SMARCA2: variants seen among roughly 807,000 people sequenced by gnomAD.
SMARCA2 encodes the protein SWI/SNF-related matrix-associated actin-dependent regulator of chromatin subfamily A member 2.
SMARCA2 carries 61 observed loss-of-function variants against 199.8 expected under a neutral mutation model. The ratio of observed to expected loss-of-function variants is 0.31; its 90% CI spans 0.25 to 0.38. The LOEUF is 0.38. Among genes scored for constraint, SMARCA2 ranks in the 10% least tolerant of loss-of-function variants. The pLI is 1.00. For synonymous variants in SMARCA2, 935 were observed against 732.0 expected, an observed-to-expected ratio of 1.28 and a Z score of -4.48; for missense variants, 1,344 against 2,012.2, an observed-to-expected ratio of 0.67 and a Z score of 6.35.
rs775657208 is a variant in SMARCA2 at position 2,056,231 on chromosome 9, A to G, written c.1174-441A>G. Among the ~76,000 whole-genome samples the G allele has an allele frequency of 2.6e-5, 4 of 152,258 alleles. No individual in the cohort carries two copies. Among genetic ancestry groups the G allele is most frequent in the Admixed American group, 1.3e-4 (2 of 15,284 alleles). On this transcript the variant is annotated intron_variant, in intron 6 of 33. Transcript: ENST00000349721. The surrounding 1 kb of genome is among the most constrained non-coding windows in gnomAD (Gnocchi z 4.0). ...TTGTTTGAGTACCTGCTGCTACCAC[A>G]CGTGAAAGTAATTCTTTTATTCTTT...
intron 19 of SMARCA2, among the ~76,000 whole-genome samples, chr9:2,095,409 A>G (rs943327988): frequency 6.6e-6 from 1 of 152,228 alleles, no homozygotes; most frequent in Non-Finnish European, 1.5e-5. Flanking sequence ...TTCATAAAAA[A>G]AAAAGGAGAA....
intron 33 of SMARCA2, chr9:2,192,409 C>A: frequency 2.9e-6 from 1 of 340,150 alleles, no homozygotes; most frequent in Non-Finnish European, 5.3e-6. Context: ...TTTTCTAAAA[C>A]CTGGGGCTGA....
At chr9:2,165,162 C>T (rs1371373591) in intron 28 of SMARCA2, among the ~76,000 whole-genome samples, 2 of 152,158 alleles carry the variant, frequency 1.3e-5, no homozygotes, top group Non-Finnish European at 2.9e-5. Context: ...CTGTGCTAAC[C>T]TCCTTCCCAT....
rs934194196 is a variant in SMARCA2 at position 2,115,750 on chromosome 9, T to C, written c.3457-72T>C. On this transcript the variant is annotated intron_variant, in intron 24 of 33. Transcript: ENST00000349721. The surrounding 1 kb of genome is among the most constrained non-coding windows in gnomAD (Gnocchi z 6.0). ...TACAGAACCCTTCCATATTTCCCTC[T>C]GGGGTGGGGTCCGGTTTTGGATGCC... 1.3e-5 allele frequency: 16 copies of C among 1,203,350 alleles called. No individual in the cohort carries two copies. In the East Asian group the frequency reaches 3.2e-4, roughly 24 times the overall value. 74.5% of individuals were successfully genotyped at this position (1,203,350 alleles called of 1,614,324 possible). A position where few individuals can be genotyped will look rare whatever the true frequency, so the allele number is the denominator to read the frequency against.
intron 30 of SMARCA2, among the ~76,000 whole-genome samples, chr9:2,181,925 T>A (rs1001790109): frequency 2.6e-5 from 4 of 152,310 alleles, no homozygotes; most frequent in South Asian, 4.2e-4. Flanking sequence ...CTCTTCTCAT[T>A]TCCCATCATA....
intron 27 of SMARCA2, among the ~76,000 whole-genome samples, chr9:2,143,357 C>G (rs1301462175): frequency 1.3e-5 from 2 of 152,154 alleles, no homozygotes; most frequent in East Asian, 1.9e-4. Context: ...ACCAAAGAAT[C>G]TGGGCTTTAT....
rs1430915994 is a variant in SMARCA2 at position 2,086,507 on chromosome 9, G to C, written c.2527-322G>C. On this transcript the variant is annotated intron_variant, in intron 17 of 33. Coordinates refer to ENST00000349721, the MANE Select transcript of SMARCA2 (RefSeq NM_003070.5). The surrounding 1 kb of genome is among the most constrained non-coding windows in gnomAD (Gnocchi z 4.3). ...TGTCATGATAACGTATTAATAGAAG[G>C]GGCATTGGATGGGGAGAGGCAGGAT... Among the ~76,000 whole-genome samples, 1 of 152,086 alleles carries C rather than the reference G, an allele frequency of 6.6e-6. No individual in the cohort carries two copies. The highest frequency in any genetic ancestry group is 1.5e-5 in the Non-Finnish European group (1 of 68,022).
Position 2,169,171 on chromosome 9 carries a change from C to T in SMARCA2, c.4200-1248C>T, listed in dbSNP as rs537029319. 1.8e-4 allele frequency among the ~76,000 whole-genome samples: 27 copies of T among 152,162 alleles called. No homozygotes were observed. Among genetic ancestry groups the T allele is most frequent in the African/African-American group, 6.5e-4 (27 of 41,430 alleles). On this transcript the variant is annotated intron_variant, in intron 28 of 33. Coordinates refer to ENST00000349721, the MANE Select transcript of SMARCA2 (RefSeq NM_003070.5). The surrounding 1 kb of genome is among the most constrained non-coding windows in gnomAD (Gnocchi z 6.5). Reference sequence around the variant, plus strand: ...CCCTACAAGACACCCGTTCACCTGCCTCCTCACCCCCTGTCTTCCTGAGGC... The same window carrying T: ...CCCTACAAGACACCCGTTCACCTGCTTCCTCACCCCCTGTCTTCCTGAGGC...
At chr9:2,185,384 A>G (rs552824620) in intron 31 of SMARCA2, among the ~76,000 whole-genome samples, 39 of 152,304 alleles carry the variant, frequency 2.6e-4, no homozygotes, top group African/African-American at 8.7e-4. Flanking sequence ...CATTAAATGT[A>G]TAGACTATAG....
chr9:2,178,708 T>TTTTG lies in SMARCA2; in HGVS notation c.4254-2851_4254-2848dup, dbSNP rs143579944. ...AACTGTCAGGCTGCTTCACTTCCTT[T>TTTTG]TTTGTTTGTTTGTTTAATTTTTTTT... On this transcript the variant is annotated intron_variant, in intron 29 of 33. Transcript: ENST00000349721. 1.2e-3 allele frequency among the ~76,000 whole-genome samples: 190 copies of TTTTG among 152,130 alleles called. 1 individual carries two copies. Among genetic ancestry groups the TTTTG allele is most frequent in the African/African-American group, 4.3e-3 (180 of 41,442 alleles).
At chr9:2,130,291 A>G (rs1235277250) in intron 27 of SMARCA2, among the ~76,000 whole-genome samples, 1 of 152,156 alleles carries the variant, frequency 6.6e-6, no homozygotes, top group African/African-American at 2.4e-5. Context: ...CCTGTTCCCG[A>G]GTGATAGCAC....
chr9:2,073,072 A>G lies in SMARCA2; in HGVS notation c.1747-140A>G, dbSNP rs550035439. 2.8e-5 allele frequency: 27 copies of G among 953,006 alleles called. No homozygotes were observed. The African/African-American group carries it at 4.0e-4, about 14-fold the overall frequency. The allele number at this position is 953,006 out of a possible 1,614,324, so 59.0% of individuals were successfully genotyped here. The stretch of plus-strand genomic sequence containing the variant: ...GGAGGTAGCCTCTCACCTCCCACCA[A>G]CACTCATTAGGTAGTGAAATTTCCA... On this transcript the variant is annotated intron_variant, in intron 10 of 33. Coordinates refer to ENST00000349721, the MANE Select transcript of SMARCA2 (RefSeq NM_003070.5).
chr9:2,049,554 C>T (rs1286943525), intron 5 of SMARCA2, among the ~76,000 whole-genome samples: 5 of 152,096 alleles, frequency 3.3e-5, no homozygotes, highest in South Asian at 2.1e-4. Context: ...GCTTTTGAAA[C>T]GACTGATCTG....
chr9:2,166,100 G>T (rs902514091), intron 28 of SMARCA2, among the ~76,000 whole-genome samples: 9 of 152,204 alleles, frequency 5.9e-5, no homozygotes, highest in African/African-American at 1.9e-4. Flanking sequence ...GAATAAATCT[G>T]CTCTCATTCT....
In SMARCA2 at chr9:2,101,718, G is replaced by C; in HGVS notation, c.3125+102G>C. 4.9e-6 allele frequency: 3 copies of C among 609,040 alleles called. No individual in the cohort carries two copies. In the East Asian group the frequency reaches 9.1e-5, roughly 18 times the overall value. The allele number at this position is 609,040 out of a possible 1,614,324, so 37.7% of individuals were successfully genotyped here. A position where few individuals can be genotyped will look rare whatever the true frequency, so the allele number is the denominator to read the frequency against. On this transcript the variant is annotated intron_variant, in intron 22 of 33. Coordinates refer to ENST00000349721, the MANE Select transcript of SMARCA2 (RefSeq NM_003070.5). ...CCTCTTGTGCAAATACTTACTTCCA[G>C]CCCTCTAAGGGCTCTTCAGTGGAGA... is the stretch of plus-strand genomic sequence containing the variant.
At chr9:2,065,648 C>T (rs1329761863) in intron 9 of SMARCA2, among the ~76,000 whole-genome samples, 1 of 152,160 alleles carries the variant, frequency 6.6e-6, no homozygotes, top group Admixed American at 6.5e-5. Flanking sequence ...AAAAGCAAAG[C>T]AGTAATATTG....
intron 3 of SMARCA2, among the ~76,000 whole-genome samples, chr9:2,037,282 A>G (rs141187459): frequency 6.6e-6 from 1 of 152,368 alleles, no homozygotes; most frequent in Non-Finnish European, 1.5e-5. Context: ...AATTTCTGCT[A>G]GTCTTGCAAG....
At position 2,169,820 on chromosome 9, in the gene SMARCA2, G is replaced by A. The variant is rs903479088; in HGVS notation, c.4200-599G>A. Reference sequence around the variant, plus strand: ...AGAGGCTTGTAGAAGTGCCCAAGACGCCAGGTGGTGGTTTATTTTCATTTC... The same window carrying A: ...AGAGGCTTGTAGAAGTGCCCAAGACACCAGGTGGTGGTTTATTTTCATTTC... On this transcript the variant is annotated intron_variant, in intron 28 of 33. Coordinates refer to ENST00000349721, the MANE Select transcript of SMARCA2 (RefSeq NM_003070.5). This position sits in a 1 kb window ranked among gnomAD's most constrained non-coding sequence, Gnocchi z 6.5. Among the ~76,000 whole-genome samples, 25 of 152,076 alleles carry A rather than the reference G, an allele frequency of 1.6e-4. No individual in the cohort carries two copies. The highest frequency in any genetic ancestry group is 2.1e-4 in the South Asian group (1 of 4,820).
intron 7 of SMARCA2, among the ~76,000 whole-genome samples, chr9:2,057,525 A>G (rs1228724558): frequency 2.0e-5 from 3 of 152,236 alleles, no homozygotes; most frequent in Admixed American, 6.5e-5. Flanking sequence ...CTAGAGCAAA[A>G]TTCTGGGAGC....
Sources: gnomAD v4.1 joint callset for allele counts (sites outside exome capture counted in the v4.1 genomes callset) on GRCh38, gnomAD v4.1.1 for gene constraint, Gnocchi (gnomAD v3.1) non-coding constraint, MANE v1.5 for transcripts, NCBI Gene and HGNC (gene_info 2026-07-23, HGNC 2026-07-21) for gene names.